DROSHA: variants seen among roughly 807,000 people sequenced by gnomAD.
DROSHA encodes the protein ribonuclease 3.
A neutral mutation model predicts 181.9 loss-of-function variants in DROSHA; 56 were observed. The observed-to-expected ratio is 0.31, with a 90% CI of 0.25 to 0.38. The LOEUF (loss-of-function observed/expected upper bound fraction) is 0.38. DROSHA is among the 10% of genes least tolerant of loss of function. The pLI, the probability that DROSHA is intolerant of heterozygous loss-of-function variation, is 1.00. For synonymous variants in DROSHA, 524 were observed against 591.2 expected (o/e 0.89, Z 1.65); for missense variants, 1,218 against 1,743.5 (o/e 0.70, Z 5.37).
intron 11 of DROSHA, among the ~76,000 whole-genome samples, chr5:31,499,254 G>T (rs560184546): frequency 1.3e-5 from 2 of 152,282 alleles, no homozygotes; most frequent in East Asian, 1.9e-4. Context: ...GTCCAATCCT[G>T]CTTCCACCCT....
rs1362274942 is a variant in DROSHA, at chr5:31,484,976, C to G, written c.1915-14G>C. ...CACACAAAAATTCTGAAAAATAAAC[C>G]AAAATTAAATTACTGTAGTTTGGCA... On this transcript the variant is annotated splice_polypyrimidine_tract_variant and intron_variant, in intron 14 of 35. Transcript: ENST00000344624. 3.3e-6 allele frequency: 5 copies of G among 1,531,608 alleles called. No homozygotes were observed. The South Asian group carries it at 6.3e-5, about 19-fold the overall frequency. 94.9% of individuals were successfully genotyped at this position (1,531,608 alleles called of 1,614,324 possible). A position where few individuals can be genotyped will look rare whatever the true frequency, so the allele number is the denominator to read the frequency against.
At chr5:31,442,418 A>C (rs1561166819) in intron 23 of DROSHA, among the ~76,000 whole-genome samples, 1 of 152,128 alleles carries the variant, frequency 6.6e-6, no homozygotes, top group African/African-American at 2.4e-5. Context: ...CATTGTTTAG[A>C]CTTTCTTTAA....
intron 33 of DROSHA, among the ~76,000 whole-genome samples, chr5:31,408,171 T>C (rs949576272): frequency 6.6e-6 from 1 of 152,286 alleles, no homozygotes; most frequent in East Asian, 1.9e-4. Context: ...TCTAATGTTT[T>C]TCCTTGTGTA....
intron 16 of DROSHA, among the ~76,000 whole-genome samples, chr5:31,475,831 A>G (rs1750296964): frequency 6.6e-6 from 1 of 152,208 alleles, no homozygotes; most frequent in Non-Finnish European, 1.5e-5. Flanking sequence ...AGGTCCAGGT[A>G]TATAAAACAG....
intron 23 of DROSHA, among the ~76,000 whole-genome samples, chr5:31,444,565 C>T (rs916296794): frequency 2.0e-5 from 3 of 152,032 alleles, no homozygotes; most frequent in Non-Finnish European, 4.4e-5. Context: ...CCAACAACTG[C>T]GGTAGGGGAA....
chr5:31,497,687 C>T (rs937804334), intron 11 of DROSHA, among the ~76,000 whole-genome samples: 2 of 152,246 alleles, frequency 1.3e-5, no homozygotes, highest in African/African-American at 4.8e-5. Context: ...ATGATTCTCT[C>T]ATAGAAATGA....
intron 10 of DROSHA, 95 bp from the exon 11 acceptor site, chr5:31,504,730 G>A: frequency 7.8e-7 from 1 of 1,274,472 alleles, no homozygotes; most frequent in Non-Finnish European, 1.1e-6. Flanking sequence ...TTAATGTCAT[G>A]AGCGCTGAAG....
At chr5:31,438,972 C>A (rs1001124024) in intron 23 of DROSHA, among the ~76,000 whole-genome samples, 1 of 152,084 alleles carries the variant, frequency 6.6e-6, no homozygotes, top group African/African-American at 2.4e-5. Flanking sequence ...AAGTGGTAAG[C>A]CATGCCCAAT....
intron 6 of DROSHA, among the ~76,000 whole-genome samples, chr5:31,517,370 A>C (rs1739379474): frequency 6.6e-6 from 1 of 152,174 alleles, no homozygotes; most frequent in Non-Finnish European, 1.5e-5. Flanking sequence ...TATGCTTGGA[A>C]GCCATTTCCT....
At chr5:31,413,762 G>A (rs1210188315) in intron 30 of DROSHA, among the ~76,000 whole-genome samples, 1 of 152,190 alleles carries the variant, frequency 6.6e-6, no homozygotes, top group Non-Finnish European at 1.5e-5. Context: ...CAGCTTTCCA[G>A]GGAGGCCTCC....
At chr5:31,403,033 A>G (rs1029713405) in intron 35 of DROSHA, among the ~76,000 whole-genome samples, 1 of 152,202 alleles carries the variant, frequency 6.6e-6, no homozygotes, top group Non-Finnish European at 1.5e-5. Flanking sequence ...CGGCCTCCCA[A>G]AGTGCTGGGA....
At chr5:31,479,681 T>C (rs1387639319) in intron 16 of DROSHA, among the ~76,000 whole-genome samples, 1 of 152,114 alleles carries the variant, frequency 6.6e-6, no homozygotes, top group Non-Finnish European at 1.5e-5. Flanking sequence ...GAGAAGGTAT[T>C]AGATATATAT....
intron 30 of DROSHA, among the ~76,000 whole-genome samples, chr5:31,413,569 C>A (rs994678098): frequency 6.6e-6 from 1 of 152,188 alleles, no homozygotes; most frequent in Non-Finnish European, 1.5e-5. Flanking sequence ...TGGGTGCAGA[C>A]CAATTACATG....
At chr5:31,424,740 A>C (rs1367053552) in intron 27 of DROSHA, among the ~76,000 whole-genome samples, 1 of 152,164 alleles carries the variant, frequency 6.6e-6, no homozygotes, top group Non-Finnish European at 1.5e-5. Flanking sequence ...ACTAAGTTAC[A>C]TATTTGGTTA....
At chr5:31,404,461 C>A (rs1218862816) in intron 35 of DROSHA, among the ~76,000 whole-genome samples, 4 of 152,146 alleles carry the variant, frequency 2.6e-5, no homozygotes, top group African/African-American at 9.7e-5. Context: ...TTCCACTTGG[C>A]TGTTGGCCTG....
chr5:31,404,126 A>G (rs995065834), intron 35 of DROSHA, among the ~76,000 whole-genome samples: 4 of 150,934 alleles, frequency 2.7e-5, no homozygotes, highest in African/African-American at 4.9e-5. Flanking sequence ...AACTTGGCCT[A>G]CCAAGGGTAT....
chr5:31,436,782 ACACACACACACACAC>A (rs1406086725), intron 24 of DROSHA, among the ~76,000 whole-genome samples: 2 of 134,690 alleles, frequency 1.5e-5, no homozygotes, highest in African/African-American at 3.0e-5. Flanking sequence ...ACACACACAC[ACACACACACACACAC>A]TAGAAAATCT....
chr5:31,420,485 A>C (rs1742533656), intron 30 of DROSHA, among the ~76,000 whole-genome samples: 1 of 152,208 alleles, frequency 6.6e-6, no homozygotes, highest in Admixed American at 6.5e-5. Context: ...AAAGCTCACA[A>C]AAGTTTTATA....
intron 20 of DROSHA, 182 bp downstream of exon 20, chr5:31,464,054 A>G (rs912905085): frequency 3.6e-5 from 22 of 609,222 alleles, no homozygotes; most frequent in Non-Finnish European, 5.5e-5. Flanking sequence ...CACACACACC[A>G]GCATCAAAAC....
Sources: allele counts gnomAD v4.1 joint callset (sites outside exome capture counted in the v4.1 genomes callset), GRCh38; gene constraint gnomAD v4.1.1; transcripts MANE v1.5; gene names NCBI Gene and HGNC (gene_info 2026-07-23, HGNC 2026-07-21).